The following TMEM260 variants were observed in gnomAD, a reference collection of about 807,000 sequenced individuals.
The protein encoded by TMEM260 is protein O-mannosyl-transferase TMEM260.
TMEM260 carries 82 observed loss-of-function variants against 88.9 expected under a neutral mutation model. That is an observed-to-expected ratio of 0.92 (90% confidence interval 0.77 to 1.11). The LOEUF is 1.11. TMEM260 is among the 50% of genes least tolerant of loss of function. The probability of loss-of-function intolerance (pLI) is 0.00; values close to 1 mark genes in which losing one functional copy is unlikely to be tolerated. For synonymous variants in TMEM260, 314 were observed against 309.3 expected (o/e 1.02, Z -0.16); for missense variants, 902 against 853.4 (o/e 1.06, Z -0.71).
At chr14:56,602,198 A>G (rs1886620059) in intron 3 of TMEM260, among the ~76,000 whole-genome samples, 1 of 152,190 alleles carries the variant, frequency 6.6e-6, no homozygotes. Flanking sequence ...AATACTATAG[A>G]TGTACAGAAT....
intron 12 of TMEM260, 91 bp from the exon 13 acceptor site, chr14:56,632,904 A>G (rs1888724764): frequency 7.9e-7 from 1 of 1,270,684 alleles, no homozygotes; most frequent in South Asian, 1.4e-5. Flanking sequence ...TGTTGGGAAA[A>G]AATCTAAAAA....
intron 6 of TMEM260, among the ~76,000 whole-genome samples, chr14:56,610,314 C>T (rs1005526569): frequency 5.3e-5 from 8 of 152,056 alleles, no homozygotes; most frequent in African/African-American, 1.7e-4. Context: ...GATCTCAGCT[C>T]GCTGCAAGCT....
chr14:56,606,850 G>A (rs1397084024), intron 5 of TMEM260, among the ~76,000 whole-genome samples: 5 of 152,158 alleles, frequency 3.3e-5, no homozygotes, highest in Admixed American at 6.5e-5. Context: ...AGCCGATATC[G>A]CGCCACTGCG....
intron 7 of TMEM260, 94 bp from the exon 8 acceptor site, chr14:56,615,850 C>G: frequency 1.2e-6 from 1 of 856,564 alleles, no homozygotes; most frequent in East Asian, 2.5e-5. Flanking sequence ...TGTGATTGTT[C>G]AGTATATAAT....
intron 7 of TMEM260, among the ~76,000 whole-genome samples, chr14:56,614,597 A>G (rs117970825): frequency 0.017 from 2,537 of 152,302 alleles, 24 homozygotes; most frequent in Non-Finnish European, 0.027. Flanking sequence ...CCATATGTCT[A>G]ACTTTTATTA....
In TMEM260 at chr14:56,609,629, G is replaced by GA. The variant is rs200927177; in HGVS notation, c.816+352dup. On this transcript the variant is annotated intron_variant, in intron 6 of 15. Transcript: ENST00000261556. ...TAAAACTATTTGGAAAAGATCGAAGGAAAAAAAATCCTCAATTTAAAAAAT... is the reference window on the plus strand; with the variant it reads ...TAAAACTATTTGGAAAAGATCGAAGGAAAAAAAAATCCTCAATTTAAAAAAT... 6.7e-3 allele frequency among the ~76,000 whole-genome samples: 1,018 copies of GA among 151,748 alleles called. 17 individuals are homozygous for GA. The highest frequency in any genetic ancestry group is 0.024 in the African/African-American group (974 of 41,436).
intron 12 of TMEM260, among the ~76,000 whole-genome samples, chr14:56,628,636 ATCT>A (rs1412437769): frequency 2.0e-5 from 3 of 152,044 alleles, no homozygotes; most frequent in Non-Finnish European, 4.4e-5. Flanking sequence ...ATGAAAAAAA[ATCT>A]TCTGGGGTTT....
intron 3 of TMEM260, among the ~76,000 whole-genome samples, chr14:56,590,280 CTT>C (rs1226229249): frequency 2.0e-5 from 3 of 152,276 alleles, no homozygotes; most frequent in South Asian, 4.1e-4. Context: ...GGCAAAAACT[CTT>C]TTTTAAGACT....
At chr14:56,617,573 A>G (rs1197947759) in intron 9 of TMEM260, among the ~76,000 whole-genome samples, 5 of 152,150 alleles carry the variant, frequency 3.3e-5, no homozygotes, top group African/African-American at 1.2e-4. Flanking sequence ...TATAGGTACA[A>G]CTGCATTTCT....
rs1885978380 is a variant in TMEM260, at chr14:56,593,273, T to C, written c.344+7361T>C. 1.3e-5 allele frequency: 2 copies of C among 150,768 alleles called. 1 individual carries two copies. The highest frequency in any genetic ancestry group is 4.2e-4 in the South Asian group (2 of 4,818). The allele number at this position is 150,768 out of a possible 1,614,324, so 9.3% of individuals were successfully genotyped here. On this transcript the variant is annotated intron_variant, in intron 3 of 15. Coordinates refer to ENST00000261556, the MANE Select transcript of TMEM260 (RefSeq NM_017799.4). ...ACATTTGATGCTTAATAGCATCACA[T>C]CATCCTTACTCCAGTGGAGAATTTC...
intron 11 of TMEM260, among the ~76,000 whole-genome samples, chr14:56,622,342 CAAAAAAAAAA>C (rs71448489): frequency 2.3e-5 from 2 of 87,264 alleles, no homozygotes; most frequent in Admixed American, 1.5e-4. Context: ...GACTCCGTCT[CAAAAAAAAAA>C]AAAAAAAAAA....
chr14:56,615,767 C>T (rs1241121613), intron 7 of TMEM260, 177 bp from the exon 8 acceptor site: 1 of 541,224 alleles, frequency 1.8e-6, no homozygotes, highest in Non-Finnish European at 3.3e-6. Flanking sequence ...CGTCTTGGAA[C>T]TATTTAAGTC....
chr14:56,636,688 G>GAATTT lies in TMEM260; in HGVS notation c.1869+91_1869+95dup. 8 of 1,118,206 alleles carry GAATTT rather than the reference G, an allele frequency of 7.2e-6. 1 individual carries two copies. The South Asian group carries it at 1.1e-4, about 15-fold the overall frequency. 69.3% of individuals were successfully genotyped at this position (1,118,206 alleles called of 1,614,324 possible). A position where few individuals can be genotyped will look rare whatever the true frequency, so the allele number is the denominator to read the frequency against. The stretch of plus-strand genomic sequence containing the variant: ...AATGGATAGAGGGTATATCACATTA[G>GAATTT]AATTTTTATTATTTTATTTCTCTCA... On this transcript the variant is annotated intron_variant, in intron 15 of 15. Coordinates refer to ENST00000261556, the MANE Select transcript of TMEM260 (RefSeq NM_017799.4).
In TMEM260 at chr14:56,603,851, G is replaced by A. The variant is rs142017777; in HGVS notation, c.381G>A (p.Ala127=). 4.3e-5 allele frequency: 70 copies of A among 1,613,756 alleles called. 2 individuals carry two copies. Among genetic ancestry groups the A allele is most frequent in the African/African-American group, 2.3e-4 (17 of 75,004 alleles). Residue 127 remains alanine (A), a synonymous_variant, in exon 4 of 16, where the codon GCG becomes GCA. Transcript: ENST00000261556. ...CATCTGCTGGAGGAATCCTTGCTGC[G>A]GGGGTGTTTTCATTTTCTCGTCTAA... The part of the protein sequence containing the change: ...SGSSAGGILA[A]GVFSFSRLTW...
At chr14:56,621,142 C>T (rs998340451) in intron 10 of TMEM260, among the ~76,000 whole-genome samples, 1 of 151,650 alleles carries the variant, frequency 6.6e-6, no homozygotes, top group African/African-American at 2.4e-5. Flanking sequence ...TTTCCTTTTG[C>T]ATTTCTGAAA....
intron 15 of TMEM260, among the ~76,000 whole-genome samples, chr14:56,639,166 T>G (rs1363880747): frequency 2.0e-5 from 3 of 152,034 alleles, no homozygotes; most frequent in Non-Finnish European, 4.4e-5. Context: ...GGTGGTGGGT[T>G]GGGGATGGTT....
intron 10 of TMEM260, 97 bp from the exon 11 acceptor site, chr14:56,621,434 G>A (rs1353759489): frequency 1.2e-6 from 1 of 846,380 alleles, no homozygotes; most frequent in African/African-American, 1.7e-5. Flanking sequence ...AATGTTGATT[G>A]TATGATGGGA....
intron 15 of TMEM260, among the ~76,000 whole-genome samples, chr14:56,643,200 G>C (rs1010651047): frequency 2.0e-5 from 3 of 152,134 alleles, no homozygotes; most frequent in Non-Finnish European, 4.4e-5. Flanking sequence ...GCCTGGCAGA[G>C]ACACAACAAA....
At chr14:56,610,703 A>G (rs1056036456) in intron 6 of TMEM260, among the ~76,000 whole-genome samples, 9 of 152,138 alleles carry the variant, frequency 5.9e-5, no homozygotes, top group Non-Finnish European at 1.0e-4. Context: ...TTACATTTAT[A>G]TTCTGCTTTA....
Sources: gnomAD v4.1 joint callset for allele counts (sites outside exome capture counted in the v4.1 genomes callset) on GRCh38, gnomAD v4.1.1 for gene constraint, MANE v1.5 for transcripts, NCBI Gene and HGNC (gene_info 2026-07-23, HGNC 2026-07-21) for gene names.